Variants in ATG4C observed in about 807,000 individuals in gnomAD.
ATG4C encodes autophagy related 4C cysteine peptidase.
A neutral mutation model predicts 57.6 loss-of-function variants in ATG4C; 56 were observed. The ratio of observed to expected loss-of-function variants is 0.97; its 90% confidence interval spans 0.78 to 1.21. The LOEUF (loss-of-function observed/expected upper bound fraction) is 1.21. Among genes scored for constraint, ATG4C ranks in the 50% most tolerant of loss-of-function variants. ATG4C has a pLI of 0.00. For missense variants in ATG4C, 595 were observed against 529.8 expected (o/e 1.12, Z -1.21); for synonymous variants, 157 against 174.1 (o/e 0.90, Z 0.78).
chr1:62,805,264 A>G lies in ATG4C; in HGVS notation c.160+9A>G. 6.7e-7 allele frequency: 1 copy of G among 1,498,658 alleles called. No individual in the cohort carries two copies. Among genetic ancestry groups the G allele is most frequent in the Non-Finnish European group, 8.8e-7 (1 of 1,134,252 alleles). The allele number at this position is 1,498,658 out of a possible 1,614,324, so 92.8% of individuals were successfully genotyped here. A position where few individuals can be genotyped will look rare whatever the true frequency, so the allele number is the denominator to read the frequency against. ...CCATTTTAAATATGAAGGTAAGTAC[A>G]AAATTTGTAAACCATTTAAAAATTT... On this transcript the variant is annotated intron_variant, in intron 3 of 10. Transcript: ENST00000317868.
At chr1:62,834,957 T>C in intron 9 of ATG4C, 105 bp downstream of exon 9, 1 of 864,708 alleles carries the variant, frequency 1.2e-6, no homozygotes, top group Non-Finnish European at 1.8e-6. Context: ...TAACTACTGG[T>C]TAATAATCAA....
chr1:62,842,034 GTCTAA>G (rs975800894), intron 10 of ATG4C, among the ~76,000 whole-genome samples: 6 of 152,110 alleles, frequency 3.9e-5, no homozygotes, highest in Non-Finnish European at 7.4e-5. Context: ...CAGTAAGCTT[GTCTAA>G]TCTGATCTAT....
chr1:62,803,847 A>G lies in ATG4C; in HGVS notation c.61A>G (p.Asn21Asp), dbSNP rs1293936234. Residue 21 changes from asparagine to aspartate, a missense_variant, in exon 2 of 11, where the codon AAC becomes GAC. Asn to Asp is a conservative substitution (Grantham distance 23, BLOSUM62 1). Transcript: ENST00000317868. ...KLKTKFISAWNNMKYSWVLKT... is the reference protein window; with the variant it reads ...KLKTKFISAWDNMKYSWVLKT... ...AAAAACCAAATTTATATCTGCTTGG[A>G]ACAACATGAAATATAGTAAGTATCA... The G allele has an allele frequency of 8.2e-6, 13 of 1,589,258 alleles. No homozygotes were observed. Among genetic ancestry groups the G allele is most frequent in the Non-Finnish European group, 9.5e-6 (11 of 1,162,022 alleles).
chr1:62,798,138 A>G (rs1314238748), intron 1 of ATG4C, among the ~76,000 whole-genome samples: 3 of 152,044 alleles, frequency 2.0e-5, no homozygotes, highest in Non-Finnish European at 4.4e-5. Context: ...GGCCTTTTCT[A>G]CCCCAAGATT....
chr1:62,792,037 G>A (rs965665785), intron 1 of ATG4C, among the ~76,000 whole-genome samples: 7 of 151,798 alleles, frequency 4.6e-5, no homozygotes, highest in East Asian at 1.9e-4. Context: ...TTGCTTTGTC[G>A]CTCAGGCTGT....
At chr1:62,860,238 T>C (rs1357369754) in intron 10 of ATG4C, among the ~76,000 whole-genome samples, 3 of 152,228 alleles carry the variant, frequency 2.0e-5, no homozygotes, top group African/African-American at 7.2e-5. Context: ...CAGTGCCTTC[T>C]TCTGCAGTGC....
intron 2 of ATG4C, 32 bp from the exon 3 acceptor site, chr1:62,805,140 A>G: frequency 6.6e-7 from 1 of 1,513,326 alleles, no homozygotes; most frequent in Non-Finnish European, 8.7e-7. Flanking sequence ...TAATTACAAA[A>G]CGTTTTCTTT....
chr1:62,803,288 CT>C (rs1314413653), intron 1 of ATG4C, among the ~76,000 whole-genome samples: 41 of 152,286 alleles, frequency 2.7e-4, no homozygotes, highest in Admixed American at 1.4e-3. Context: ...TAAGTGGAAG[CT>C]TCCATTCTGA....
At chr1:62,802,465 T>TA (rs35221183) in intron 1 of ATG4C, among the ~76,000 whole-genome samples, 1,785 of 139,672 alleles carry the variant, frequency 0.013, 30 homozygotes, top group African/African-American at 0.033. Context: ...ATGCAAATAT[T>TA]AAAAAAAAAA....
chr1:62,786,610 A>G (rs1325224699), intron 1 of ATG4C, among the ~76,000 whole-genome samples: 1 of 151,512 alleles, frequency 6.6e-6, no homozygotes, highest in Non-Finnish European at 1.5e-5. Flanking sequence ...TATTTTTTGG[A>G]CTATATATAA....
intron 1 of ATG4C, among the ~76,000 whole-genome samples, chr1:62,788,115 T>C (rs1664149335): frequency 6.6e-6 from 1 of 152,222 alleles, no homozygotes; most frequent in Non-Finnish European, 1.5e-5. Flanking sequence ...AGTTTGTGAT[T>C]ACTTATTGTT....
At chr1:62,819,856 A>G (rs1057416628) in intron 5 of ATG4C, among the ~76,000 whole-genome samples, 1 of 152,020 alleles carries the variant, frequency 6.6e-6, no homozygotes, top group Non-Finnish European at 1.5e-5. Context: ...GGATAGTTAG[A>G]AAAAAGTCAA....
intron 10 of ATG4C, among the ~76,000 whole-genome samples, chr1:62,852,794 A>G (rs1294406450): frequency 6.7e-6 from 1 of 148,870 alleles, no homozygotes; most frequent in Non-Finnish European, 1.5e-5. Context: ...TCAACTACCT[A>G]GCGGTAAGTT....
rs529740159 is a variant in ATG4C, at chr1:62,784,360, T to G, written c.-69+87T>G. 404 of 152,424 alleles carry G rather than the reference T, an allele frequency of 2.7e-3. 1 individual carries two copies. Among genetic ancestry groups the G allele is most frequent in the Non-Finnish European group, 4.1e-3 (278 of 68,162 alleles). 9.4% of individuals were successfully genotyped at this position (152,424 alleles called of 1,614,324 possible). A position where few individuals can be genotyped will look rare whatever the true frequency, so the allele number is the denominator to read the frequency against. ...CGAATGACTGGGTTTCTTGCGGGGG[T>G]CCGCCTTCAGTGAAGACCCTGTGGC... On this transcript the variant is annotated intron_variant, in intron 1 of 10. Coordinates refer to ENST00000317868, the MANE Select transcript of ATG4C (RefSeq NM_032852.4).
At chr1:62,821,739 G>A (rs942418905) in intron 6 of ATG4C, among the ~76,000 whole-genome samples, 1 of 151,880 alleles carries the variant, frequency 6.6e-6, no homozygotes. Flanking sequence ...TTCCGATTTT[G>A]TATTTTTTGG....
chr1:62,792,093 G>A (rs1009916580), intron 1 of ATG4C, among the ~76,000 whole-genome samples: 5 of 152,092 alleles, frequency 3.3e-5, no homozygotes, highest in African/African-American at 1.2e-4. Context: ...TGCCTCCGGG[G>A]TTCAAGCAGT....
chr1:62,851,736 A>T (rs989717374), intron 10 of ATG4C, among the ~76,000 whole-genome samples: 1 of 152,242 alleles, frequency 6.6e-6, no homozygotes. Flanking sequence ...AAATAGCTAC[A>T]AAGAGAACTA....
intron 1 of ATG4C, among the ~76,000 whole-genome samples, chr1:62,792,322 C>T (rs888374429): frequency 6.6e-6 from 1 of 152,132 alleles, no homozygotes; most frequent in African/African-American, 2.4e-5. Context: ...ATCCTTTCAC[C>T]AGTACCCTGA....
intron 10 of ATG4C, among the ~76,000 whole-genome samples, chr1:62,852,234 C>T (rs554382454): frequency 4.6e-5 from 7 of 152,240 alleles, no homozygotes; most frequent in East Asian, 3.9e-4. Context: ...CGGATCAGTG[C>T]AGACACACCA....
Sources: allele counts gnomAD v4.1 joint callset (sites outside exome capture counted in the v4.1 genomes callset), GRCh38; gene constraint gnomAD v4.1.1; transcripts MANE v1.5; gene names NCBI Gene and HGNC (gene_info 2026-07-23, HGNC 2026-07-21).